FAM186A: variants seen among roughly 807,000 people sequenced by gnomAD.
FAM186A encodes the protein protein FAM186A.
In FAM186A, 163 loss-of-function variants were observed where a neutral mutation model predicts 216.8. That is an observed-to-expected ratio of 0.75 (90% confidence interval 0.66 to 0.86). The LOEUF (loss-of-function observed/expected upper bound fraction) is 0.86. Ranked by LOEUF, FAM186A falls within the 40% of genes least tolerant of loss-of-function variation. FAM186A has a pLI of 0.00. For missense variants in FAM186A, 2,184 were observed against 2,746.2 expected (o/e 0.80, Z 4.58); for synonymous variants, 805 against 1,025.3 (o/e 0.79, Z 4.10).
intron 1 of FAM186A, among the ~76,000 whole-genome samples, chr12:50,393,708 G>A (rs896569621): frequency 6.6e-6 from 1 of 152,012 alleles, no homozygotes; most frequent in African/African-American, 2.4e-5. Context: ...TTAGCCAGAC[G>A]TGCTGGTGTG....
chr12:50,359,582 A>G (rs4479066), intron 3 of FAM186A, among the ~76,000 whole-genome samples: 1 of 151,870 alleles, frequency 6.6e-6, no homozygotes, highest in Non-Finnish European at 1.5e-5. Context: ...CTACCCCCCC[A>G]AAAAAAATGG....
At chr12:50,386,171 G>A (rs1005525943) in intron 1 of FAM186A, among the ~76,000 whole-genome samples, 3 of 152,156 alleles carry the variant, frequency 2.0e-5, no homozygotes, top group African/African-American at 7.2e-5. Flanking sequence ...GCTTACGCCT[G>A]TAATCCCAGC....
rs1289502629 is a variant in FAM186A at position 50,354,498 on chromosome 12, G to A, written c.2334C>T (p.Leu778=). The A allele has an allele frequency of 1.3e-6, 2 of 1,551,510 alleles. No individual in the cohort carries two copies. The highest frequency in any genetic ancestry group is 1.4e-5 in the African/African-American group (1 of 73,022). ...PISAKSESST[L]LSYESTDPVI... ...CTGGATCTGTGCTCTCATATGAGAG[G>A]AGGGTACTGCTTTCAGATTTTGCAC... is the stretch of plus-strand genomic sequence containing the variant. Residue 778 remains leucine (L), a synonymous_variant, in exon 4 of 8, where the codon CTC becomes CTT. Coordinates refer to ENST00000327337, the MANE Select transcript of FAM186A (RefSeq NM_001145475.3).
In FAM186A at chr12:50,351,000, C is replaced by T; in HGVS notation, c.5832G>A (p.Gln1944=). 1.3e-6 allele frequency: 2 copies of T among 1,551,524 alleles called. No individual in the cohort carries two copies. The highest frequency in any genetic ancestry group is 1.7e-6 in the Non-Finnish European group (2 of 1,146,964). The change falls in exon 4 of 8, where the codon CAG becomes CAA. Residue 1944 remains glutamine (Q), a synonymous_variant. Coordinates refer to ENST00000327337, the MANE Select transcript of FAM186A (RefSeq NM_001145475.3). ...LWPSPAPGKP[Q]KSWSPSVAKK... is the part of the protein sequence containing the mutation. ...TAGCAACAGAAGGGGACCAACTTTT[C>T]TGGGGCTTTCCAGGGGCTGGGGACG... is the stretch of plus-strand genomic sequence containing the variant.
chr12:50,336,446 C>T (rs1256713419), intron 4 of FAM186A, among the ~76,000 whole-genome samples: 3 of 152,086 alleles, frequency 2.0e-5, no homozygotes, highest in African/African-American at 7.2e-5. Flanking sequence ...CTAGACTGAA[C>T]CATATGGGGT....
intron 4 of FAM186A, among the ~76,000 whole-genome samples, chr12:50,339,384 A>G (rs1052015541): frequency 7.2e-5 from 11 of 152,180 alleles, no homozygotes; most frequent in African/African-American, 2.4e-4. Context: ...TAGGAGTTAC[A>G]CTGTTGATAT....
intron 1 of FAM186A, among the ~76,000 whole-genome samples, chr12:50,389,447 C>G (rs367988019): frequency 6.6e-6 from 1 of 152,164 alleles, no homozygotes; most frequent in Admixed American, 6.6e-5. Flanking sequence ...TTGCAGTGAG[C>G]TGAGATCGCG....
intron 1 of FAM186A, among the ~76,000 whole-genome samples, chr12:50,364,293 G>A (rs1000575841): frequency 2.0e-5 from 3 of 152,116 alleles, no homozygotes; most frequent in South Asian, 2.1e-4. Flanking sequence ...GGTGGCTCAC[G>A]CCTGTAATCC....
In FAM186A at chr12:50,351,516, A is replaced by G. The variant is rs1942880612; in HGVS notation, c.5316T>C (p.Phe1772=). ...ISRVPLNQGP[F]APGKPLEMGI... is the part of the protein sequence containing the mutation. ...CCATTTCTAGGGGCTTCCCAGGGGCAAAGGGGCCTTGGTTGAGGGGAACCC... is the reference window on the plus strand; with the variant it reads ...CCATTTCTAGGGGCTTCCCAGGGGCGAAGGGGCCTTGGTTGAGGGGAACCC... The change falls in exon 4 of 8, where the codon TTT becomes TTC. Residue 1772 remains phenylalanine, a synonymous_variant. Transcript: ENST00000327337. The G allele has an allele frequency of 2.0e-6, 3 of 1,509,754 alleles. No individual in the cohort carries two copies. The highest frequency in any genetic ancestry group is 2.7e-6 in the Non-Finnish European group (3 of 1,129,954). 93.5% of individuals were successfully genotyped at this position (1,509,754 alleles called of 1,614,324 possible). A position where few individuals can be genotyped will look rare whatever the true frequency, so the allele number is the denominator to read the frequency against.
rs1162558068 is a variant in FAM186A at position 50,351,135 on chromosome 12, A to G, written c.5697T>C (p.Tyr1899=). The change falls in exon 4 of 8, where the codon TAT becomes TAC. Residue 1899 remains tyrosine (Y), a synonymous_variant. Coordinates refer to ENST00000327337, the MANE Select transcript of FAM186A (RefSeq NM_001145475.3). ...QPPATAEQSP[Y]LQAPSTPGQH... is the part of the protein sequence containing the mutation. ...GCCCAGGGGTAGAAGGAGCCTGCAG[A>G]TAGGGAGATTGCTCAGCAGTGGCAG... 6.4e-7 allele frequency: 1 copy of G among 1,551,188 alleles called. No homozygotes were observed. Among genetic ancestry groups the G allele is most frequent in the South Asian group, 1.2e-5 (1 of 84,034 alleles).
At chr12:50,329,781 A>T (rs1170851958) in intron 7 of FAM186A, among the ~76,000 whole-genome samples, 1 of 152,002 alleles carries the variant, frequency 6.6e-6, no homozygotes, top group Non-Finnish European at 1.5e-5. Flanking sequence ...TTTTTAGTAG[A>T]GACAGGGTTT....
rs1176570341 is a variant in FAM186A at position 50,350,498 on chromosome 12, G to A, written c.6334C>T (p.Gln2112Ter). The change falls in exon 4 of 8, where the codon CAG becomes TAG. Residue 2112 changes from glutamine (Q) to a stop codon, truncating the protein, a stop_gained. Coordinates refer to ENST00000327337, the MANE Select transcript of FAM186A (RefSeq NM_001145475.3). LOFTEE classifies it high-confidence loss of function. ...EKRYFVDVEA[Q>*]KKNLILLNQA... ...TTTAATAGTATCAGGTTCTTCTTCT[G>A]AGCCTCCACATCAACAAAATACCTC... The A allele has an allele frequency of 6.4e-7, 1 of 1,551,590 alleles. No individual in the cohort carries two copies. Among genetic ancestry groups the A allele is most frequent in the Non-Finnish European group, 8.7e-7 (1 of 1,146,990 alleles).
chr12:50,353,066 T>C lies in FAM186A; in HGVS notation c.3766A>G (p.Thr1256Ala). Residue 1256 changes from threonine (T) to alanine (A), a missense_variant, in exon 4 of 8, where the codon ACC becomes GCC. Around this residue, in one of 7 missense-constraint regions of FAM186A, gnomAD observed 267 missense variants for 446.2 expected, o/e 0.60. Transcript: ENST00000327337. The part of the protein sequence containing the change: ...QQAQALGITL[T>A]PKQVQELGIP... ...CCCAGTTCCTGAACCTGCTTAGGGG[T>C]GAGAGTGATTCCGAGAGCCTGCGCC... 1 of 1,532,212 alleles carries C rather than the reference T, an allele frequency of 6.5e-7. No individual in the cohort carries two copies. The highest frequency in any genetic ancestry group is 1.7e-4 in the Middle Eastern group (1 of 5,882). The allele number at this position is 1,532,212 out of a possible 1,614,324, so 94.9% of individuals were successfully genotyped here.
chr12:50,346,782 G>A (rs1258796163), intron 4 of FAM186A, among the ~76,000 whole-genome samples: 2 of 152,084 alleles, frequency 1.3e-5, no homozygotes, highest in East Asian at 1.9e-4. Context: ...GGGAGGCAGA[G>A]CTTGCAGTGA....
intron 4 of FAM186A, among the ~76,000 whole-genome samples, chr12:50,349,909 C>G (rs1942858021): frequency 6.6e-6 from 1 of 151,474 alleles, no homozygotes; most frequent in Non-Finnish European, 1.5e-5. Context: ...GCCTCAGCCT[C>G]CCAAAGTGCT....
At chr12:50,328,887 G>A (rs1006786403) in intron 7 of FAM186A, among the ~76,000 whole-genome samples, 1 of 152,150 alleles carries the variant, frequency 6.6e-6, no homozygotes, top group Non-Finnish European at 1.5e-5. Flanking sequence ...AGGCCAAGGC[G>A]GGTGGATCAC....
intron 1 of FAM186A, among the ~76,000 whole-genome samples, chr12:50,388,943 GGAAGTCC>G (rs1943331336): frequency 1.3e-5 from 2 of 151,642 alleles, no homozygotes; most frequent in South Asian, 4.2e-4. Flanking sequence ...CCAGCTACTC[GGAAGTCC>G]GAAGCGGGAG....
Position 50,334,047 on chromosome 12 carries a change from G to T in FAM186A, c.6560C>A (p.Ala2187Asp), listed in dbSNP as rs1942682892. 6.4e-7 allele frequency: 1 copy of T among 1,550,966 alleles called. No homozygotes were observed. The highest frequency in any genetic ancestry group is 1.4e-5 in the African/African-American group (1 of 72,988). The stretch of plus-strand genomic sequence containing the variant: ...GCTCAGCATCATGTGGAGGTTCCTG[G>T]CCTCATAGCCTTTCCCAGTATTTTG... ...AIQNTGKGYE[A>D]RNLHMMLSRL... Residue 2187 changes from alanine to aspartate, a missense_variant, in exon 5 of 8, where the codon GCC becomes GAC. This residue lies in a region of FAM186A where 721 missense variants were observed against 816.4 expected (regional missense o/e 0.88). Transcript: ENST00000327337.
chr12:50,355,008 C>A lies in FAM186A; in HGVS notation c.1824G>T (p.Lys608Asn). Residue 608 changes from lysine (K) to asparagine (N), a missense_variant, in exon 4 of 8, where the codon AAG becomes AAT. Physicochemically the swap from Lys to Asn is moderately conservative, Grantham distance 94. Around this residue, in one of 7 missense-constraint regions of FAM186A, gnomAD observed 1,132 missense variants for 1,263.4 expected, o/e 0.90. Coordinates refer to ENST00000327337, the MANE Select transcript of FAM186A (RefSeq NM_001145475.3). The stretch of plus-strand genomic sequence containing the variant: ...TAGTTCCTGAAGAGATATGGTGTTT[C>A]TTTCCTTTTATTTTTCCTTTCTGTG... ...AEPQKGKIKG[K>N]KHHISSGTIT... 6.4e-7 allele frequency: 1 copy of A among 1,551,460 alleles called. No individual in the cohort carries two copies. Among genetic ancestry groups the A allele is most frequent in the African/African-American group, 1.4e-5 (1 of 73,090 alleles).
Sources: gnomAD v4.1 joint callset for allele counts (sites outside exome capture counted in the v4.1 genomes callset) on GRCh38, gnomAD v4.1.1 for gene constraint, gnomAD v4.1.1 regional missense constraint, MANE v1.5 for transcripts, NCBI Gene and HGNC (gene_info 2026-07-23, HGNC 2026-07-21) for gene names.